Variants in CCNH observed in about 807,000 individuals in gnomAD.
The protein encoded by CCNH is cyclin-H.
In CCNH, 31 loss-of-function variants were observed where a neutral mutation model predicts 41.9. The observed-to-expected ratio is 0.74, with a 90% confidence interval of 0.56 to 1.00. The LOEUF is 1.00. Ranked by LOEUF, CCNH falls within the 50% of genes least tolerant of loss-of-function variation. The pLI, the probability that CCNH is intolerant of heterozygous loss-of-function variation, is 0.00. For synonymous variants in CCNH, 138 were observed against 136.1 expected (o/e 1.01, Z -0.10); for missense variants, 362 against 388.4 (o/e 0.93, Z 0.57).
chr5:87,380,448 T>A (rs1180630196), upstream of CCNH: 1 of 1,422,566 alleles, frequency 7.0e-7, no homozygotes, highest in Non-Finnish European at 9.9e-7. Flanking sequence ...AGCTTTTGGC[T>A]GCTAGGAGAT....
exon 1 of CCNH, chr5:87,377,169 C>A: frequency 7.9e-7 from 1 of 1,272,842 alleles, no homozygotes; most frequent in East Asian, 2.5e-5. Flanking sequence ...TCTGTTTTCC[C>A]TCCTTAAAAA....
intron 1 of CCNH, chr5:87,412,391 A>G: frequency 8.5e-7 from 1 of 1,178,826 alleles, no homozygotes; most frequent in Non-Finnish European, 1.1e-6. Flanking sequence ...ATCTCTTGAC[A>G]AGTGAACGGC....
At chr5:87,396,855 A>G (rs927683808) in intron 7 of CCNH, among the ~76,000 whole-genome samples, 2 of 152,124 alleles carry the variant, frequency 1.3e-5, no homozygotes, top group African/African-American at 4.8e-5. Context: ...AACGCTGCTT[A>G]TTTCATAAAT....
chr5:87,325,411 T>C (rs1297258738), intron 9 of CCNH, among the ~76,000 whole-genome samples: 1 of 152,226 alleles, frequency 6.6e-6, no homozygotes, highest in African/African-American at 2.4e-5. Flanking sequence ...CTTAAGAAGA[T>C]TTTTATGTTT....
chr5:87,361,521 G>GT (rs1760088558), intron 9 of CCNH, among the ~76,000 whole-genome samples: 1 of 152,106 alleles, frequency 6.6e-6, no homozygotes, highest in African/African-American at 2.4e-5. Flanking sequence ...TTGCAAAATA[G>GT]TAAGAACTAC....
intron 9 of CCNH, among the ~76,000 whole-genome samples, chr5:87,319,217 C>T (rs1405049916): frequency 6.6e-6 from 1 of 152,212 alleles, no homozygotes; most frequent in Non-Finnish European, 1.5e-5. Flanking sequence ...TGCAGGCACA[C>T]AGTGCAAGCT....
chr5:87,395,837 C>T (rs933437325), intron 7 of CCNH, among the ~76,000 whole-genome samples: 15 of 152,038 alleles, frequency 9.9e-5, no homozygotes, highest in Non-Finnish European at 1.5e-4. Flanking sequence ...CCACTGCACT[C>T]CATCACACCT....
chr5:87,369,793 T>C, intron 9 of CCNH: 2 of 1,574,618 alleles, frequency 1.3e-6, no homozygotes, highest in Non-Finnish European at 1.7e-6. Flanking sequence ...TTCCTAATAA[T>C]TTTTGTTTTT....
Position 87,404,912 on chromosome 5 carries a change from G to C in CCNH, c.621C>G (p.Tyr207Ter). ...RIALTDAYLLYTPSQIALTAI... is the reference protein window; with the variant it reads ...RIALTDAYLL ...CAGTCAGGGCAATTTGGGAAGGTGT[G>C]TATAAAAGGTAAGCATCCGTCAATG... The change falls in exon 5 of 9, where the codon TAC (tyrosine) becomes TAG (stop). Residue 207 changes from tyrosine (Y) to a stop codon, truncating the protein, a stop_gained. Coordinates refer to ENST00000256897, the MANE Select transcript of CCNH (RefSeq NM_001239.4). LOFTEE classifies it high-confidence loss of function. 1 of 1,613,330 alleles carries C rather than the reference G, an allele frequency of 6.2e-7. No individual in the cohort carries two copies. The highest frequency in any genetic ancestry group is 2.2e-5 in the East Asian group (1 of 44,834).
At chr5:87,377,054 ATGT>A in exon 1 of CCNH, 1 of 1,609,700 alleles carries the variant, frequency 6.2e-7, no homozygotes, top group South Asian at 1.1e-5. Flanking sequence ...TGGTATGGCC[ATGT>A]TAGTGTGATA....
chr5:87,387,577 A>G (rs765415829), downstream of CCNH, among the ~76,000 whole-genome samples: 13 of 152,138 alleles, frequency 8.5e-5, no homozygotes, highest in Non-Finnish European at 1.6e-4. Flanking sequence ...GTGCATGTAC[A>G]TGTGAATAGA....
intron 9 of CCNH, among the ~76,000 whole-genome samples, chr5:87,358,892 A>G (rs1759859275): frequency 6.6e-6 from 1 of 152,176 alleles, no homozygotes; most frequent in Non-Finnish European, 1.5e-5. Context: ...TTGGATATCC[A>G]CTAGCCTCAC....
At chr5:87,370,592 T>C (rs1760857697) in intron 9 of CCNH, among the ~76,000 whole-genome samples, 1 of 151,994 alleles carries the variant, frequency 6.6e-6, no homozygotes, top group Non-Finnish European at 1.5e-5. Flanking sequence ...AGCACAGGAG[T>C]TTGAGTTACA....
At chr5:87,370,500 C>CA (rs1444435170) in intron 9 of CCNH, among the ~76,000 whole-genome samples, 3 of 152,050 alleles carry the variant, frequency 2.0e-5, no homozygotes, top group South Asian at 4.1e-4. Context: ...ACCTCTATAA[C>CA]AAAAGTAAAA....
downstream of CCNH, among the ~76,000 whole-genome samples, chr5:87,371,404 GCA>G (rs965338968): frequency 2.0e-5 from 3 of 151,952 alleles, no homozygotes; most frequent in Admixed American, 1.3e-4. Flanking sequence ...ATTGAATAAA[GCA>G]ATAGTACACA....
chr5:87,350,185 C>A (rs963281611), intron 9 of CCNH, among the ~76,000 whole-genome samples: 13 of 151,770 alleles, frequency 8.6e-5, no homozygotes, highest in African/African-American at 3.1e-4. Context: ...AAAACAAGTT[C>A]TTCTAGTTGC....
chr5:87,398,130 C>T (rs767128452), intron 7 of CCNH, among the ~76,000 whole-genome samples: 4 of 152,182 alleles, frequency 2.6e-5, no homozygotes, highest in Admixed American at 6.5e-5. Flanking sequence ...CCACTGAAAC[C>T]GAGGAGTGAA....
Position 87,354,254 on chromosome 5 carries a change from T to G in CCNH, c.*91-35357A>C, listed in dbSNP as rs534853639. Among the ~76,000 whole-genome samples the G allele has an allele frequency of 1.1e-4, 17 of 152,252 alleles. No individual in the cohort carries two copies. The South Asian group carries it at 3.5e-3, about 32-fold the overall frequency. On this transcript the variant is annotated intron_variant and NMD_transcript_variant, in intron 9 of 9. Coordinates refer to the CCNH transcript ENST00000645953. ...TTCATTTTATTGTGCATTGCCTTAT[T>G]ATGTTTCAAAGATAGTTTTTTTTAC...
At chr5:87,389,444 C>T (rs751563679), downstream of CCNH, 2 of 1,614,160 alleles carry the variant, frequency 1.2e-6, no homozygotes, top group African/African-American at 1.3e-5. Flanking sequence ...GGACCTGTCC[C>T]GTGATTTAGC....
Sources: gnomAD v4.1 joint callset for allele counts (sites outside exome capture counted in the v4.1 genomes callset) on GRCh38, gnomAD v4.1.1 for gene constraint, MANE v1.5 for transcripts, NCBI Gene and HGNC (gene_info 2026-07-23, HGNC 2026-07-21) for gene names.